The following PITPNC1 variants were observed in gnomAD, a reference collection of about 807,000 sequenced individuals.
PITPNC1 encodes the protein cytoplasmic phosphatidylinositol transfer protein 1.
Under a neutral mutation model 44.7 loss-of-function variants are expected in PITPNC1, and 18 were observed. The observed-to-expected ratio is 0.40, with a 90% CI of 0.28 to 0.60. The LOEUF is 0.60. Among genes scored for constraint, PITPNC1 ranks in the 20% least tolerant of loss-of-function variants. The probability of loss-of-function intolerance (pLI) is 0.39; values close to 1 mark genes in which losing one functional copy is unlikely to be tolerated. For missense variants in PITPNC1, 290 were observed against 418.4 expected, an observed-to-expected ratio of 0.69 and a Z score of 2.68; for synonymous variants, 141 against 149.6, an observed-to-expected ratio of 0.94 and a Z score of 0.42.
At chr17:67,536,825 C>T (rs957784139) in intron 2 of PITPNC1, among the ~76,000 whole-genome samples, 4 of 152,124 alleles carry the variant, frequency 2.6e-5, no homozygotes, top group African/African-American at 7.2e-5. Context: ...AAAAGAGGGA[C>T]GTTCAAGGAG....
In PITPNC1 at chr17:67,377,490, A is replaced by G; in HGVS notation, c.-665A>G. 1 of 154,062 alleles carries G rather than the reference A, an allele frequency of 6.5e-6. No individual in the cohort carries two copies. Among genetic ancestry groups the G allele is most frequent in the Non-Finnish European group, 1.5e-5 (1 of 68,962 alleles). 9.5% of individuals were successfully genotyped at this position (154,062 alleles called of 1,614,324 possible). The stretch of plus-strand genomic sequence containing the variant: ...GGCGCCCGGGGCCCCAGCCGGGCAG[A>G]GCCGAGCGGCGGCGGCGGCGGCGGC... On this transcript the variant is annotated 5_prime_UTR_variant, in exon 1 of 9. Coordinates refer to ENST00000581322, the MANE Select transcript of PITPNC1 (RefSeq NM_012417.4).
intron 1 of PITPNC1, among the ~76,000 whole-genome samples, chr17:67,447,131 T>G (rs1029895543): frequency 1.5e-5 from 2 of 130,930 alleles, no homozygotes; most frequent in Admixed American, 1.6e-4. Flanking sequence ...GACCCTAGGA[T>G]CTAAGAAGAA....
intron 1 of PITPNC1, among the ~76,000 whole-genome samples, chr17:67,528,761 A>T (rs964720898): frequency 1.3e-5 from 2 of 152,202 alleles, no homozygotes; most frequent in African/African-American, 4.8e-5. Context: ...TGAATGGAGA[A>T]GGTCTGGAAC....
chr17:67,633,942 G>A (rs2144336852), intron 6 of PITPNC1, among the ~76,000 whole-genome samples: 1 of 152,290 alleles, frequency 6.6e-6, no homozygotes, highest in Non-Finnish European at 1.5e-5. Flanking sequence ...TGGACTTCAG[G>A]GAGTTCCCTC....
intron 5 of PITPNC1, among the ~76,000 whole-genome samples, chr17:67,620,260 C>T (rs1342684828): frequency 6.6e-6 from 1 of 152,118 alleles, no homozygotes; most frequent in Non-Finnish European, 1.5e-5. Flanking sequence ...CACTATGTTG[C>T]CCCGGCTGGT....
chr17:67,464,026 T>C (rs1273570523), intron 1 of PITPNC1, among the ~76,000 whole-genome samples: 2 of 152,130 alleles, frequency 1.3e-5, no homozygotes, highest in East Asian at 1.9e-4. Context: ...AAACCTCATC[T>C]GTACTAAAAA....
chr17:67,670,567 G>A (rs1318028899), intron 7 of PITPNC1, among the ~76,000 whole-genome samples: 4 of 151,884 alleles, frequency 2.6e-5, no homozygotes, highest in Admixed American at 2.6e-4. Flanking sequence ...GGCCAACCTG[G>A]TGAAACCCTG....
At chr17:67,513,989 TG>T (rs1439873884) in intron 1 of PITPNC1, among the ~76,000 whole-genome samples, 1 of 149,626 alleles carries the variant, frequency 6.7e-6, no homozygotes, top group Non-Finnish European at 1.5e-5. Flanking sequence ...CCCGCCTCCA[TG>T]ATCAGGGAAA....
chr17:67,539,762 C>A (rs111645998), intron 2 of PITPNC1, among the ~76,000 whole-genome samples: 11,039 of 152,050 alleles, frequency 0.073, 550 homozygotes, highest in Non-Finnish European at 0.11. Flanking sequence ...GGCGTGAACC[C>A]GGGAGGTGGA....
chr17:67,628,594 C>T lies in PITPNC1; in HGVS notation c.367-3549C>T, dbSNP rs12451169. ...AGAAGCAGGATGGTGGGGAAGTTCA[C>T]GAGGTTGACCTGAGCCAGGGCTGGT... On this transcript the variant is annotated intron_variant, in intron 5 of 8. Coordinates refer to ENST00000581322, the MANE Select transcript of PITPNC1 (RefSeq NM_012417.4). Among the ~76,000 whole-genome samples, 1,258 of 152,272 alleles carry T rather than the reference C, an allele frequency of 8.3e-3. 37 individuals carry two copies. The highest frequency in any genetic ancestry group is 0.063 in the Admixed American group (959 of 15,282).
At chr17:67,526,007 C>T (rs990456384) in intron 1 of PITPNC1, among the ~76,000 whole-genome samples, 2 of 152,194 alleles carry the variant, frequency 1.3e-5, no homozygotes, top group African/African-American at 4.8e-5. Flanking sequence ...AATTCTGTTT[C>T]CTGACCTGGG....
chr17:67,462,940 G>GAGGAAAA (rs1292729256), intron 1 of PITPNC1, among the ~76,000 whole-genome samples: 2 of 152,146 alleles, frequency 1.3e-5, no homozygotes, highest in African/African-American at 4.8e-5. Context: ...GACGTCAGTT[G>GAGGAAAA]ATCCACCCAC....
intron 5 of PITPNC1, among the ~76,000 whole-genome samples, chr17:67,620,558 A>G (rs1350131564): frequency 6.6e-6 from 1 of 152,184 alleles, no homozygotes; most frequent in East Asian, 1.9e-4. Context: ...CACTGGGGAC[A>G]GAATTTTCTC....
At chr17:67,427,304 A>G (rs912840417) in intron 1 of PITPNC1, among the ~76,000 whole-genome samples, 20 of 152,162 alleles carry the variant, frequency 1.3e-4, no homozygotes, top group African/African-American at 3.6e-4. Context: ...TCCACCTCCC[A>G]GGTTCAAGCA....
At chr17:67,562,968 T>G (rs1304388132) in intron 4 of PITPNC1, among the ~76,000 whole-genome samples, 1 of 152,188 alleles carries the variant, frequency 6.6e-6, no homozygotes, top group African/African-American at 2.4e-5. Flanking sequence ...TCATCCACTT[T>G]CTTCTACTTT....
chr17:67,464,828 C>T (rs2039400008), intron 1 of PITPNC1, among the ~76,000 whole-genome samples: 1 of 152,028 alleles, frequency 6.6e-6, no homozygotes, highest in African/African-American at 2.4e-5. Flanking sequence ...CAATGTCTGC[C>T]TCTCGGGTCC....
At chr17:67,402,286 A>G (rs908721372) in intron 1 of PITPNC1, among the ~76,000 whole-genome samples, 5 of 152,212 alleles carry the variant, frequency 3.3e-5, no homozygotes, top group African/African-American at 1.2e-4. Context: ...TAAAAATGCA[A>G]AACCCATTTG....
chr17:67,599,067 A>C, intron 5 of PITPNC1, among the ~76,000 whole-genome samples: 1 of 101,574 alleles, frequency 9.8e-6, no homozygotes, highest in African/African-American at 3.6e-5. Flanking sequence ...CATGTTGGCC[A>C]GGCTGGTCTT....
chr17:67,492,701 C>T (rs2039880526), intron 1 of PITPNC1, among the ~76,000 whole-genome samples: 1 of 152,150 alleles, frequency 6.6e-6, no homozygotes, highest in South Asian at 2.1e-4. Context: ...AGCTACTGTC[C>T]TGATTTCTAA....
Sources: allele counts gnomAD v4.1 joint callset (sites outside exome capture counted in the v4.1 genomes callset), GRCh38; gene constraint gnomAD v4.1.1; transcripts MANE v1.5; gene names NCBI Gene and HGNC (gene_info 2026-07-23, HGNC 2026-07-21).